Variants in PCDHA6 observed in about 807,000 individuals in gnomAD.
PCDHA6 encodes protocadherin alpha-6.
PCDHA6 carries 55 observed loss-of-function variants against 60.3 expected under a neutral mutation model. That is an observed-to-expected ratio of 0.91 (90% CI 0.73 to 1.14). PCDHA6 has a LOEUF of 1.14. Ranked by LOEUF, PCDHA6 falls within the 50% of genes most tolerant of loss-of-function variation. The probability of loss-of-function intolerance (pLI) is 0.00; values close to 1 mark genes in which losing one functional copy is unlikely to be tolerated. For missense variants in PCDHA6, 1,327 were observed against 1,256.5 expected (o/e 1.06, Z -0.85); for synonymous variants, 652 against 557.9 (o/e 1.17, Z -2.38).
At position 140,857,548 on chromosome 5, in the gene PCDHA6, G is replaced by A. The variant is rs782667639; in HGVS notation, c.2394+27063G>A. On this transcript the variant is annotated intron_variant, in intron 1 of 3. Transcript: ENST00000529310. ...CTCTGGTGGAGCGGCGGTTGGGCGA[G>A]CGCTCGCTGTCGAGCTACGTGTCGG... The A allele has an allele frequency of 5.6e-6, 9 of 1,596,888 alleles. No individual in the cohort carries two copies. In the East Asian group the frequency reaches 1.8e-4, roughly 32 times the overall value.
At chr5:140,839,867 G>A (rs996407179) in intron 1 of PCDHA6, among the ~76,000 whole-genome samples, 1 of 151,988 alleles carries the variant, frequency 6.6e-6, no homozygotes, top group Non-Finnish European at 1.5e-5. Flanking sequence ...GGTGGACTTT[G>A]AAAGATGAAT....
intron 3 of PCDHA6, among the ~76,000 whole-genome samples, chr5:141,005,923 G>A (rs1424300772): frequency 6.6e-6 from 1 of 151,914 alleles, no homozygotes; most frequent in East Asian, 1.9e-4. Context: ...CTTCAGCCTG[G>A]TTGACAGAGT....
At chr5:140,946,857 G>T (rs2094041766) in intron 1 of PCDHA6, among the ~76,000 whole-genome samples, 1 of 151,296 alleles carries the variant, frequency 6.6e-6, no homozygotes, top group Non-Finnish European at 1.5e-5. Flanking sequence ...GAGAGATTGA[G>T]GAGAGGTTGG....
intron 1 of PCDHA6, chr5:140,883,245 G>A (rs267600403): frequency 6.2e-7 from 1 of 1,613,898 alleles, no homozygotes; most frequent in Non-Finnish European, 8.5e-7. Flanking sequence ...GTTGACAAAG[G>A]AAATATTCCA....
chr5:140,906,120 A>C (rs1554192404), intron 1 of PCDHA6, among the ~76,000 whole-genome samples: 1 of 152,134 alleles, frequency 6.6e-6, no homozygotes, highest in East Asian at 1.9e-4. Flanking sequence ...CCACTGACAC[A>C]AATGTTAGTC....
intron 1 of PCDHA6, chr5:140,882,431 G>A (rs374040153): frequency 1.2e-6 from 2 of 1,614,044 alleles, no homozygotes; most frequent in Non-Finnish European, 8.5e-7. Flanking sequence ...CCTGGGGCTG[G>A]AGCTGGCGGA....
intron 1 of PCDHA6, among the ~76,000 whole-genome samples, chr5:140,953,431 G>A (rs782512202): frequency 6.6e-5 from 10 of 152,088 alleles, no homozygotes; most frequent in Non-Finnish European, 1.2e-4. Flanking sequence ...TTGTCCTTAA[G>A]CTGGAGAAAC....
chr5:140,857,804 G>A, intron 1 of PCDHA6: 1 of 1,597,858 alleles, frequency 6.3e-7, no homozygotes, highest in Non-Finnish European at 8.6e-7. Context: ...GTCGGTGGTT[G>A]CGGGTCACGT....
rs182447320 is a variant in PCDHA6, at chr5:140,868,739, C to A, written c.2394+38254C>A. 921 of 204,056 alleles carry A rather than the reference C, an allele frequency of 4.5e-3. 4 individuals carry two copies. The highest frequency in any genetic ancestry group is 0.012 in the Middle Eastern group (6 of 494). The allele number at this position is 204,056 out of a possible 1,614,324, so 12.6% of individuals were successfully genotyped here. ...TAAATTTGATGTTAATCGAGAAATACAATGCCATTTCCATATATATTTAGT... is the reference window on the plus strand; with the variant it reads ...TAAATTTGATGTTAATCGAGAAATAAAATGCCATTTCCATATATATTTAGT... On this transcript the variant is annotated intron_variant, in intron 1 of 3. Transcript: ENST00000529310.
intron 1 of PCDHA6, among the ~76,000 whole-genome samples, chr5:140,913,656 T>A (rs2076420236): frequency 6.6e-6 from 1 of 152,152 alleles, no homozygotes; most frequent in African/African-American, 2.4e-5. Context: ...TTCTTTAAGA[T>A]GTATAGTTAG....
chr5:140,878,662 C>T (rs1479409326), intron 1 of PCDHA6, among the ~76,000 whole-genome samples: 1 of 152,194 alleles, frequency 6.6e-6, no homozygotes, highest in African/African-American at 2.4e-5. Flanking sequence ...CCAGAGGCTT[C>T]TCTTTAACCA....
chr5:140,861,028 C>G (rs954598633), intron 1 of PCDHA6: 1 of 152,238 alleles, frequency 6.6e-6, no homozygotes, highest in African/African-American at 2.4e-5. Context: ...CGCACCCGGC[C>G]GAAAGGTATT....
intron 1 of PCDHA6, among the ~76,000 whole-genome samples, chr5:140,872,922 T>C (rs1468048382): frequency 6.6e-6 from 1 of 152,218 alleles, no homozygotes; most frequent in African/African-American, 2.4e-5. Flanking sequence ...ATGCCTTATC[T>C]CTAATGTTTT....
At chr5:140,882,982 C>A (rs139888237) in intron 1 of PCDHA6, 2 of 1,614,148 alleles carry the variant, frequency 1.2e-6, no homozygotes, top group South Asian at 1.1e-5. Flanking sequence ...TGAATGACAA[C>A]GCCCCGGAAT....
chr5:140,983,523 T>G (rs1186391173), intron 3 of PCDHA6, among the ~76,000 whole-genome samples: 1 of 152,224 alleles, frequency 6.6e-6, no homozygotes, highest in East Asian at 1.9e-4. Flanking sequence ...CTGTGCCAAG[T>G]ACATTGTATG....
intron 1 of PCDHA6, chr5:140,841,625 T>C (rs1425270500): frequency 1.9e-6 from 3 of 1,614,028 alleles, no homozygotes; most frequent in African/African-American, 1.3e-5. Flanking sequence ...GAGCGCGGAG[T>C]GCAGCATCCA....
In PCDHA6 at chr5:140,835,636, TG is replaced by T. The variant is rs2150240289; in HGVS notation, c.2394+5152del. ...GACAGCGCTCTGGACCGCGAGAGTG[TG>T]TCCGCCTATGAGCTGGTGGTTACCG... On this transcript the variant is annotated intron_variant, in intron 1 of 3. Transcript: ENST00000529310. 6 of 1,613,906 alleles carry T rather than the reference TG, an allele frequency of 3.7e-6. No individual in the cohort carries two copies. The East Asian group carries it at 8.9e-5, about 24-fold the overall frequency.
chr5:140,998,275 A>G (rs1554256218), intron 3 of PCDHA6, among the ~76,000 whole-genome samples: 1 of 152,198 alleles, frequency 6.6e-6, no homozygotes, highest in African/African-American at 2.4e-5. Context: ...TGACACCCAT[A>G]GGATTAAATC....
chr5:140,921,824 A>G (rs1554200461), intron 1 of PCDHA6, among the ~76,000 whole-genome samples: 1 of 152,172 alleles, frequency 6.6e-6, no homozygotes. Flanking sequence ...GTGAATATCT[A>G]TACACATATA....
Sources: allele counts gnomAD v4.1 joint callset (sites outside exome capture counted in the v4.1 genomes callset), GRCh38; gene constraint gnomAD v4.1.1; transcripts MANE v1.5; gene names NCBI Gene and HGNC (gene_info 2026-07-23, HGNC 2026-07-21).